The following CHODL variants were observed in gnomAD, a reference collection of about 807,000 sequenced individuals.
CHODL encodes the protein chondrolectin, also known as transmembrane protein MT75.
Under a neutral mutation model 34.5 loss-of-function variants are expected in CHODL, and 29 were observed. That is an observed-to-expected ratio of 0.84 (90% CI 0.63 to 1.15). The LOEUF (loss-of-function observed/expected upper bound fraction) is 1.15. Ranked by LOEUF, CHODL falls within the 50% of genes most tolerant of loss-of-function variation. The probability of loss-of-function intolerance (pLI) is 0.00; values close to 1 mark genes in which losing one functional copy is unlikely to be tolerated. For missense variants in CHODL, 332 were observed against 332.5 expected, an observed-to-expected ratio of 1.00 and a Z score of 0.01; for synonymous variants, 125 against 116.1, an observed-to-expected ratio of 1.08 and a Z score of -0.49.
At chr21:18,121,648 A>G (rs2065481028) in intron 2 of CHODL, among the ~76,000 whole-genome samples, 1 of 152,230 alleles carries the variant, frequency 6.6e-6, no homozygotes, top group Non-Finnish European at 1.5e-5. Context: ...ATCACTTATC[A>G]GGTCCTTTGG....
chr21:17,967,615 A>C (rs1256857802), intron 1 of CHODL, among the ~76,000 whole-genome samples: 2 of 152,186 alleles, frequency 1.3e-5, no homozygotes, highest in Non-Finnish European at 2.9e-5. Flanking sequence ...TGTTACCTCA[A>C]AATGTCTTTA....
At chr21:18,013,779 C>T (rs158066) in intron 1 of CHODL, among the ~76,000 whole-genome samples, 4,633 of 151,494 alleles carry the variant, frequency 0.031, 223 homozygotes, top group African/African-American at 0.1. Flanking sequence ...GGACTACAGG[C>T]GTGTGCCACC....
At chr21:18,196,488 T>C (rs1449097935) in intron 2 of CHODL, among the ~76,000 whole-genome samples, 1 of 152,132 alleles carries the variant, frequency 6.6e-6, no homozygotes, top group East Asian at 1.9e-4. Flanking sequence ...TTAACAGTAA[T>C]TGGTGACTGG....
chr21:17,978,078 A>G (rs1276498507), intron 1 of CHODL, among the ~76,000 whole-genome samples: 1 of 152,146 alleles, frequency 6.6e-6, no homozygotes, highest in Non-Finnish European at 1.5e-5. Context: ...TCTGTAGGTC[A>G]GAAATCCTAG....
At chr21:18,030,027 C>G (rs901222282) in intron 2 of CHODL, among the ~76,000 whole-genome samples, 11 of 152,100 alleles carry the variant, frequency 7.2e-5, no homozygotes, top group Non-Finnish European at 1.3e-4. Context: ...CTGTGGCAGG[C>G]AGGCTCTAAC....
chr21:18,045,855 C>G (rs1329104538), intron 2 of CHODL, among the ~76,000 whole-genome samples: 1 of 151,934 alleles, frequency 6.6e-6, no homozygotes, highest in Non-Finnish European at 1.5e-5. Context: ...TTTGTCTCCT[C>G]CAGCGGATGC....
intron 1 of CHODL, among the ~76,000 whole-genome samples, chr21:17,945,243 A>G (rs947218539): frequency 5.9e-5 from 9 of 151,818 alleles, no homozygotes; most frequent in Non-Finnish European, 1.3e-4. Context: ...AGCTCCAATA[A>G]TGGAACCCAA....
chr21:18,005,806 A>G lies in CHODL; in HGVS notation c.-144-22066A>G, dbSNP rs545845702. On this transcript the variant is annotated intron_variant, in intron 1 of 6. Transcript: ENST00000400127. ...TGAGCACACATGGACACATGGGGGG[A>G]AACAGCACACACTGGGGCCTGTGGG... 2.0e-5 allele frequency among the ~76,000 whole-genome samples: 3 copies of G among 152,094 alleles called. No individual in the cohort carries two copies. In the East Asian group the frequency reaches 5.8e-4, roughly 29 times the overall value.
intron 1 of CHODL, among the ~76,000 whole-genome samples, chr21:18,017,745 A>G (rs112102240): frequency 0.016 from 2,389 of 152,296 alleles, 60 homozygotes; most frequent in Middle Eastern, 0.048. Context: ...GCCACTCCCT[A>G]GTGGAGCTGT....
At chr21:17,934,506 G>T (rs760092461) in intron 1 of CHODL, among the ~76,000 whole-genome samples, 3 of 151,822 alleles carry the variant, frequency 2.0e-5, no homozygotes, top group African/African-American at 7.3e-5. Flanking sequence ...CTCAGTCAGG[G>T]TTCTTTCTTC....
chr21:18,050,926 C>CT (rs71189578), intron 2 of CHODL, among the ~76,000 whole-genome samples: 84,486 of 146,660 alleles, frequency 0.58, 24,736 homozygotes, highest in African/African-American at 0.68. Context: ...AAGTAACTTG[C>CT]TTTTTTTTTT....
chr21:18,017,080 A>G (rs1004037065), intron 1 of CHODL, among the ~76,000 whole-genome samples: 1 of 152,250 alleles, frequency 6.6e-6, no homozygotes, highest in Admixed American at 6.5e-5. Context: ...GTCTTGTCTC[A>G]GATGAGACTT....
chr21:18,026,361 A>C (rs2146432055), intron 1 of CHODL, among the ~76,000 whole-genome samples: 1 of 152,336 alleles, frequency 6.6e-6, no homozygotes, highest in East Asian at 1.9e-4. Flanking sequence ...ATAAGTACCA[A>C]ATAAAATGCA....
intron 2 of CHODL, among the ~76,000 whole-genome samples, chr21:18,035,678 CTA>C (rs2064300730): frequency 6.6e-6 from 1 of 151,900 alleles, no homozygotes; most frequent in South Asian, 2.1e-4. Context: ...GTCTCTAGTG[CTA>C]TGTTTTCATA....
At chr21:18,094,213 A>T (rs2065110295) in intron 2 of CHODL, among the ~76,000 whole-genome samples, 1 of 152,146 alleles carries the variant, frequency 6.6e-6, no homozygotes, top group Non-Finnish European at 1.5e-5. Context: ...GAGCACCCAG[A>T]TATATAAAAC....
intron 1 of CHODL, 22 bp downstream of exon 1, chr21:18,245,324 C>G (rs2074126201): frequency 6.6e-7 from 1 of 1,507,882 alleles, no homozygotes; most frequent in African/African-American, 1.4e-5. Flanking sequence ...GCCGTCTCCC[C>G]GAAGAACGAG....
chr21:18,120,278 C>T (rs1218623587), intron 2 of CHODL, among the ~76,000 whole-genome samples: 5 of 152,166 alleles, frequency 3.3e-5, no homozygotes, highest in Non-Finnish European at 5.9e-5. Flanking sequence ...ATGGTGTATG[C>T]ATAAAAGACA....
At chr21:17,963,723 A>C (rs2063550502) in intron 1 of CHODL, among the ~76,000 whole-genome samples, 1 of 151,842 alleles carries the variant, frequency 6.6e-6, no homozygotes, top group South Asian at 2.1e-4. Flanking sequence ...ACAAGAAAAC[A>C]ACCTTTTTTT....
chr21:18,128,240 G>T (rs977210005), intron 2 of CHODL, among the ~76,000 whole-genome samples: 3 of 133,750 alleles, frequency 2.2e-5, no homozygotes, highest in African/African-American at 8.5e-5. Flanking sequence ...GGTGGAGCTT[G>T]CAGTGAGCCC....
Sources: allele counts gnomAD v4.1 joint callset (sites outside exome capture counted in the v4.1 genomes callset), GRCh38; gene constraint gnomAD v4.1.1; transcripts MANE v1.5; gene names NCBI Gene and HGNC (gene_info 2026-07-23, HGNC 2026-07-21).